The following ADGRL3 variants were observed in gnomAD, a reference collection of about 807,000 sequenced individuals.
ADGRL3 encodes adhesion G protein-coupled receptor L3.
In ADGRL3, 62 loss-of-function variants were observed where a neutral mutation model predicts 153.5. The observed-to-expected ratio is 0.40, with a 90% CI of 0.33 to 0.50. The LOEUF (loss-of-function observed/expected upper bound fraction) is 0.50, where lower values mean the gene tolerates loss of function less well. ADGRL3 is among the 20% of genes least tolerant of loss of function. ADGRL3 has a pLI of 0.47. For missense variants in ADGRL3, 1,641 were observed against 1,859.4 expected (o/e 0.88, Z 2.16); for synonymous variants, 710 against 672.5 (o/e 1.06, Z -0.86).
intron 3 of ADGRL3, among the ~76,000 whole-genome samples, chr4:61,511,142 G>A (rs1265862359): frequency 1.3e-5 from 2 of 152,108 alleles, no homozygotes; most frequent in Admixed American, 1.3e-4. Context: ...CTGATCACTT[G>A]AGGTAGGGAG....
intron 9 of ADGRL3, among the ~76,000 whole-genome samples, chr4:61,864,086 G>A (rs1440260724): frequency 6.6e-6 from 1 of 152,148 alleles, no homozygotes; most frequent in East Asian, 1.9e-4. Flanking sequence ...TATTTAAGTG[G>A]AAGATACTGT....
intron 4 of ADGRL3, among the ~76,000 whole-genome samples, chr4:61,538,164 C>A: frequency 6.6e-6 from 1 of 152,054 alleles, no homozygotes; most frequent in Non-Finnish European, 1.5e-5. Flanking sequence ...AAAATAAAAA[C>A]TTTTTTCCCC....
chr4:61,431,502 A>G (rs1315777242), intron 2 of ADGRL3, among the ~76,000 whole-genome samples: 1 of 152,196 alleles, frequency 6.6e-6, no homozygotes, highest in Non-Finnish European at 1.5e-5. Flanking sequence ...ACCACCTCCA[A>G]CAAGTTCCCT....
At chr4:61,378,627 A>T (rs963167806) in intron 1 of ADGRL3, among the ~76,000 whole-genome samples, 1 of 152,022 alleles carries the variant, frequency 6.6e-6, no homozygotes, top group Non-Finnish European at 1.5e-5. Flanking sequence ...CAGCAACCCA[A>T]GCTCGCTGTT....
At chr4:61,773,341 T>C (rs550865786) in intron 8 of ADGRL3, among the ~76,000 whole-genome samples, 1 of 152,334 alleles carries the variant, frequency 6.6e-6, no homozygotes, top group African/African-American at 2.4e-5. Flanking sequence ...TAAGAATTGA[T>C]CTTATACTGG....
chr4:61,497,916 TA>T, intron 3 of ADGRL3, among the ~76,000 whole-genome samples: 1 of 152,278 alleles, frequency 6.6e-6, no homozygotes, highest in Non-Finnish European at 1.5e-5. Flanking sequence ...AAAGGCTTTT[TA>T]AAAAGAGCTC....
chr4:61,380,608 C>T (rs924138854), intron 1 of ADGRL3, among the ~76,000 whole-genome samples: 1 of 151,954 alleles, frequency 6.6e-6, no homozygotes, highest in Non-Finnish European at 1.5e-5. Context: ...AAACTCAAAA[C>T]AATTCCATCT....
At chr4:61,344,630 G>A (rs1347014423) in intron 1 of ADGRL3, among the ~76,000 whole-genome samples, 1 of 151,924 alleles carries the variant, frequency 6.6e-6, no homozygotes, top group Non-Finnish European at 1.5e-5. Context: ...TGAGATTGGT[G>A]AGAATGATCA....
At chr4:61,476,731 AAAAAAAAC>A (rs2098063868) in intron 2 of ADGRL3, among the ~76,000 whole-genome samples, 1 of 147,776 alleles carries the variant, frequency 6.8e-6, no homozygotes, top group Non-Finnish European at 1.5e-5. Flanking sequence ...AAAAAAAAAA[AAAAAAAAC>A]AAAAAAACAT....
chr4:61,599,136 AAGT>A (rs1177663540), intron 5 of ADGRL3, among the ~76,000 whole-genome samples: 1 of 152,220 alleles, frequency 6.6e-6, no homozygotes, highest in African/African-American at 2.4e-5. Context: ...AGGCTCAACA[AAGT>A]ATGGACAGCC....
intron 2 of ADGRL3, among the ~76,000 whole-genome samples, chr4:61,397,561 GTTGT>G (rs1244853945): frequency 2.6e-5 from 4 of 151,882 alleles, no homozygotes. Context: ...GGTTTGCTCT[GTTGT>G]TTATTTCCTC....
At chr4:61,795,337 A>G (rs1298783417) in intron 8 of ADGRL3, among the ~76,000 whole-genome samples, 1 of 152,154 alleles carries the variant, frequency 6.6e-6, no homozygotes, top group Admixed American at 6.5e-5. Flanking sequence ...ACATGTTGCT[A>G]TGCTGTTCTT....
intron 21 of ADGRL3, among the ~76,000 whole-genome samples, chr4:62,009,270 A>G (rs763416288): frequency 5.3e-5 from 8 of 152,206 alleles, no homozygotes; most frequent in Non-Finnish European, 1.0e-4. Context: ...TAAATAAATT[A>G]TATCTTCTGG....
At chr4:61,798,999 G>GTGTATATA (rs1554034587) in intron 8 of ADGRL3, among the ~76,000 whole-genome samples, 3 of 80,748 alleles carry the variant, frequency 3.7e-5, no homozygotes, top group South Asian at 4.6e-4. Context: ...TATATAAACA[G>GTGTATATA]TATATATATA....
intron 5 of ADGRL3, among the ~76,000 whole-genome samples, chr4:61,644,996 T>C (rs2093897997): frequency 6.6e-6 from 1 of 152,162 alleles, no homozygotes; most frequent in South Asian, 2.1e-4. Flanking sequence ...ATATTTAGGA[T>C]AGTTAGCTCT....
intron 11 of ADGRL3, among the ~76,000 whole-genome samples, chr4:61,898,772 A>G (rs1420594105): frequency 6.6e-6 from 1 of 152,000 alleles, no homozygotes; most frequent in Non-Finnish European, 1.5e-5. Flanking sequence ...ACACACTGCA[A>G]CACTTGGCGA....
At chr4:61,301,233 G>A (rs2094572651) in intron 1 of ADGRL3, among the ~76,000 whole-genome samples, 1 of 152,100 alleles carries the variant, frequency 6.6e-6, no homozygotes, top group Non-Finnish European at 1.5e-5. Context: ...ACCTGGGACT[G>A]CCATTTTATT....
chr4:61,906,076 C>A (rs1005493304), intron 11 of ADGRL3, among the ~76,000 whole-genome samples: 14 of 151,188 alleles, frequency 9.3e-5, no homozygotes, highest in Non-Finnish European at 1.6e-4. Context: ...TATAGAAATT[C>A]ACATATATAA....
At chr4:61,862,687 C>A (rs899560024) in intron 9 of ADGRL3, among the ~76,000 whole-genome samples, 6 of 152,164 alleles carry the variant, frequency 3.9e-5, no homozygotes, top group Non-Finnish European at 8.8e-5. Flanking sequence ...CATTAGCATC[C>A]TCTGGGAACT....
Sources: allele counts gnomAD v4.1 joint callset (sites outside exome capture counted in the v4.1 genomes callset), GRCh38; gene constraint gnomAD v4.1.1; transcripts MANE v1.5; gene names NCBI Gene and HGNC (gene_info 2026-07-23, HGNC 2026-07-21).